HMGXB4: variants seen among roughly 807,000 people sequenced by gnomAD.
HMGXB4 encodes HMG domain-containing protein 4.
HMGXB4 carries 27 observed loss-of-function variants against 63.9 expected under a neutral mutation model. The ratio of observed to expected loss-of-function variants is 0.42; its 90% CI spans 0.31 to 0.58. HMGXB4 has a LOEUF of 0.58. Among genes scored for constraint, HMGXB4 ranks in the 20% least tolerant of loss-of-function variants. The probability of loss-of-function intolerance (pLI) is 0.13; values close to 1 mark genes in which losing one functional copy is unlikely to be tolerated. For synonymous variants in HMGXB4, 264 were observed against 265.3 expected, an observed-to-expected ratio of 0.99 and a Z score of 0.05; for missense variants, 624 against 700.7, an observed-to-expected ratio of 0.89 and a Z score of 1.24.
chr22:35,291,336 C>G (rs1924925170), intron 9 of HMGXB4, among the ~76,000 whole-genome samples: 1 of 152,022 alleles, frequency 6.6e-6, no homozygotes, highest in Non-Finnish European at 1.5e-5. Flanking sequence ...AAAGTTAAAG[C>G]TAGAACCCAA....
In HMGXB4 at chr22:35,293,748, G is replaced by T. The variant is rs956054006; in HGVS notation, c.*97G>T. On this transcript the variant is annotated 3_prime_UTR_variant, in exon 11 of 11. Transcript: ENST00000216106. ...TTCCTTCAGTGGCCTCTGGCTGTAG[G>T]TTTTAAATTTTTATATCTATACATA... The T allele has an allele frequency of 9.7e-6, 8 of 826,172 alleles. No individual in the cohort carries two copies. In the East Asian group the frequency reaches 1.8e-4, roughly 18 times the overall value. 51.2% of individuals were successfully genotyped at this position (826,172 alleles called of 1,614,324 possible). A position where few individuals can be genotyped will look rare whatever the true frequency, so the allele number is the denominator to read the frequency against.
chr22:35,274,602 C>T (rs538077455), intron 5 of HMGXB4, among the ~76,000 whole-genome samples: 31 of 152,230 alleles, frequency 2.0e-4, no homozygotes, highest in African/African-American at 5.1e-4. Context: ...CTTAAATAAA[C>T]GAAATAGCAT....
chr22:35,245,867 G>T, the HMGXB4 span, among the ~76,000 whole-genome samples: 1 of 152,260 alleles, frequency 6.6e-6, no homozygotes, highest in South Asian at 2.1e-4. Context: ...AGAGGCAGGA[G>T]TGCCTTGTTA....
intron 9 of HMGXB4, among the ~76,000 whole-genome samples, chr22:35,290,441 C>G (rs898782510): frequency 1.3e-5 from 2 of 151,868 alleles, no homozygotes; most frequent in African/African-American, 2.4e-5. Context: ...GTCAGGAGAT[C>G]GAGACCATCC....
At chr22:35,250,288 A>G in the HMGXB4 span, among the ~76,000 whole-genome samples, 5 of 152,340 alleles carry the variant, frequency 3.3e-5, no homozygotes, top group African/African-American at 1.2e-4. Context: ...TGCAGGCTGT[A>G]CATGAAGCAT....
At chr22:35,255,438 T>C (rs2142535), upstream of HMGXB4, among the ~76,000 whole-genome samples, 91,604 of 152,050 alleles carry the variant, frequency 0.6, 29,604 homozygotes, top group Non-Finnish European at 0.73. Flanking sequence ...TTGCTTGAAC[T>C]CAGGGGGTCG....
chr22:35,260,760 T>C (rs1922797153), intron 1 of HMGXB4, among the ~76,000 whole-genome samples: 1 of 152,258 alleles, frequency 6.6e-6, no homozygotes, highest in Admixed American at 6.5e-5. Flanking sequence ...TAATAAATCA[T>C]TCTTGGTAAT....
chr22:35,242,757 G>A, the HMGXB4 span, among the ~76,000 whole-genome samples: 2 of 151,900 alleles, frequency 1.3e-5, no homozygotes, highest in Non-Finnish European at 2.9e-5. Context: ...TTCATTTAGT[G>A]TTATATATTT....
At chr22:35,275,110 CTTTTT>C (rs59290559) in intron 5 of HMGXB4, among the ~76,000 whole-genome samples, 3 of 103,536 alleles carry the variant, frequency 2.9e-5, no homozygotes, top group South Asian at 3.1e-4. Flanking sequence ...CACCAAATTT[CTTTTT>C]TTTTTTTTTT....
At chr22:35,280,439 A>G (rs113024900) in intron 5 of HMGXB4, among the ~76,000 whole-genome samples, 1 of 152,102 alleles carries the variant, frequency 6.6e-6, no homozygotes, top group Non-Finnish European at 1.5e-5. Flanking sequence ...TTGCCACACT[A>G]TCTCTAATAA....
chr22:35,279,263 C>T (rs1306382385), intron 5 of HMGXB4, among the ~76,000 whole-genome samples: 1 of 149,746 alleles, frequency 6.7e-6, no homozygotes, highest in Non-Finnish European at 1.5e-5. Flanking sequence ...ATTCTCCTGC[C>T]TCAGCCTCCC....
At chr22:35,263,912 T>C in intron 4 of HMGXB4, 38 bp downstream of exon 4, 1 of 1,602,082 alleles carries the variant, frequency 6.2e-7, no homozygotes, top group Non-Finnish European at 8.6e-7. Context: ...GATAAACACA[T>C]CGCTGGTTCT....
the HMGXB4 span, among the ~76,000 whole-genome samples, chr22:35,241,860 C>T: frequency 6.6e-6 from 1 of 152,176 alleles, no homozygotes; most frequent in Admixed American, 6.5e-5. Flanking sequence ...TTCTTGCAGT[C>T]GACCTGGGGC....
intron 5 of HMGXB4, among the ~76,000 whole-genome samples, chr22:35,282,714 T>C (rs552335276): frequency 2.6e-5 from 4 of 152,208 alleles, no homozygotes; most frequent in Admixed American, 6.5e-5. Context: ...ACCTGGGTTG[T>C]GGTTATAACT....
In HMGXB4 at chr22:35,294,280, T is replaced by C. The variant is rs975872672; in HGVS notation, c.*629T>C. On this transcript the variant is annotated 3_prime_UTR_variant, in exon 11 of 11. Transcript: ENST00000216106. ...AAATTTATTGTAATCATTGGTACCA[T>C]TGGTGGCCTCAACAGAGGCCAAGGA... The C allele has an allele frequency of 7.2e-5, 11 of 152,384 alleles. No individual in the cohort carries two copies. Among genetic ancestry groups the C allele is most frequent in the African/African-American group, 1.9e-4 (8 of 41,452 alleles). The allele number at this position is 152,384 out of a possible 1,614,324, so 9.4% of individuals were successfully genotyped here. A position where few individuals can be genotyped will look rare whatever the true frequency, so the allele number is the denominator to read the frequency against.
At chr22:35,243,697 C>T in the HMGXB4 span, among the ~76,000 whole-genome samples, 2 of 152,042 alleles carry the variant, frequency 1.3e-5, no homozygotes, top group African/African-American at 2.4e-5. Context: ...GCATATGCCA[C>T]CACGCCCGGC....
At chr22:35,283,307 A>G (rs1044917231) in intron 5 of HMGXB4, among the ~76,000 whole-genome samples, 4 of 152,234 alleles carry the variant, frequency 2.6e-5, no homozygotes, top group Non-Finnish European at 4.4e-5. Flanking sequence ...TCAGATTTTC[A>G]AAGATGAGAA....
In HMGXB4 at chr22:35,265,669, A is replaced by G. The variant is rs940949641; in HGVS notation, c.1215+66A>G. ...CAGGTTCTTCCTGGGTAGTCAGTGG[A>G]CTTTTAAGTTAAGCAGTTGAGGTAA... On this transcript the variant is annotated intron_variant, in intron 5 of 10. Transcript: ENST00000216106. 2.8e-6 allele frequency: 4 copies of G among 1,452,466 alleles called. No individual in the cohort carries two copies. In the African/African-American group the frequency reaches 5.7e-5, roughly 21 times the overall value. The allele number at this position is 1,452,466 out of a possible 1,614,324, so 90.0% of individuals were successfully genotyped here.
At chr22:35,273,951 A>G (rs1022725773) in intron 5 of HMGXB4, among the ~76,000 whole-genome samples, 1 of 152,236 alleles carries the variant, frequency 6.6e-6, no homozygotes, top group Non-Finnish European at 1.5e-5. Context: ...GGTGCCACAC[A>G]TGAATACACA....
Sources: gnomAD v4.1 joint callset for allele counts (sites outside exome capture counted in the v4.1 genomes callset) on GRCh38, gnomAD v4.1.1 for gene constraint, MANE v1.5 for transcripts, NCBI Gene and HGNC (gene_info 2026-07-23, HGNC 2026-07-21) for gene names.